The following RAVER2 variants were observed in gnomAD, a reference collection of about 807,000 sequenced individuals.
RAVER2 encodes the protein ribonucleoprotein, PTB binding 2.
A neutral mutation model predicts 78.1 loss-of-function variants in RAVER2; 46 were observed. That is an observed-to-expected ratio of 0.59 (90% CI 0.46 to 0.75). The LOEUF (loss-of-function observed/expected upper bound fraction) is 0.75, where lower values mean the gene tolerates loss of function less well. Among genes scored for constraint, RAVER2 ranks in the 30% least tolerant of loss-of-function variants. The pLI is 0.00. For missense variants in RAVER2, 793 were observed against 837.5 expected, an observed-to-expected ratio of 0.95 and a Z score of 0.66; for synonymous variants, 311 against 313.3, an observed-to-expected ratio of 0.99 and a Z score of 0.08.
intron 11 of RAVER2, among the ~76,000 whole-genome samples, chr1:64,823,419 T>G (rs1557607696): frequency 6.6e-6 from 1 of 152,180 alleles, no homozygotes; most frequent in African/African-American, 2.4e-5. Flanking sequence ...TGGGAAAACT[T>G]AAATCAGAAA....
chr1:64,763,520 G>A (rs1652082228), intron 1 of RAVER2, among the ~76,000 whole-genome samples: 2 of 152,178 alleles, frequency 1.3e-5, no homozygotes, highest in Admixed American at 6.5e-5. Context: ...GTGTTGGCTA[G>A]AAAGTAGAGC....
intron 4 of RAVER2, 134 bp from the exon 5 acceptor site, chr1:64,789,254 A>G: frequency 1.4e-6 from 1 of 726,548 alleles, no homozygotes; most frequent in Non-Finnish European, 2.0e-6. Context: ...AAATAGATAT[A>G]TAATATAAAT....
At chr1:64,827,360 G>T (rs1415276004) in intron 11 of RAVER2, among the ~76,000 whole-genome samples, 1 of 152,150 alleles carries the variant, frequency 6.6e-6, no homozygotes, top group African/African-American at 2.4e-5. Context: ...GATATAGTAG[G>T]ATTGCCCAGG....
chr1:64,802,438 A>T (rs1342393426), intron 5 of RAVER2, among the ~76,000 whole-genome samples: 1 of 151,574 alleles, frequency 6.6e-6, no homozygotes, highest in African/African-American at 2.4e-5. Context: ...TGGTATTTAG[A>T]CTCTTAGACG....
At chr1:64,753,132 C>T (rs749349967) in intron 1 of RAVER2, among the ~76,000 whole-genome samples, 2 of 152,226 alleles carry the variant, frequency 1.3e-5, no homozygotes, top group Non-Finnish European at 2.9e-5. Context: ...TGCCTCACTG[C>T]AGCCTCGACC....
chr1:64,804,805 A>G (rs375975608), exon 7 of RAVER2: 43 of 1,559,770 alleles, frequency 2.8e-5, no homozygotes, highest in African/African-American at 2.7e-5. Flanking sequence ...CACAACAACA[A>G]TTAATGAAGT....
chr1:64,775,585 G>A (rs1027126980), intron 2 of RAVER2, among the ~76,000 whole-genome samples: 2 of 152,176 alleles, frequency 1.3e-5, no homozygotes, highest in Non-Finnish European at 2.9e-5. Flanking sequence ...CCACACAGGT[G>A]TTACTGTGTG....
At chr1:64,789,357 CTAA>C in intron 4 of RAVER2, 28 bp from the exon 5 acceptor site, 1 of 1,555,570 alleles carries the variant, frequency 6.4e-7, no homozygotes, top group Non-Finnish European at 8.7e-7. Context: ...TTATGCTGTT[CTAA>C]TGTTTCTTAT....
At chr1:64,765,870 A>G (rs1291346596) in intron 1 of RAVER2, among the ~76,000 whole-genome samples, 2 of 152,222 alleles carry the variant, frequency 1.3e-5, no homozygotes, top group Admixed American at 1.3e-4. Context: ...ATCTATGAAA[A>G]CATTTCTTAA....
chr1:64,814,163 C>CAGT (rs2100888788), intron 10 of RAVER2, among the ~76,000 whole-genome samples: 1 of 152,210 alleles, frequency 6.6e-6, no homozygotes, highest in African/African-American at 2.4e-5. Context: ...GGCATCATCT[C>CAGT]GGCTCACTGC....
chr1:64,803,830 T>G (rs976944391), intron 6 of RAVER2, among the ~76,000 whole-genome samples: 1 of 152,162 alleles, frequency 6.6e-6, no homozygotes, highest in Non-Finnish European at 1.5e-5. Context: ...ACATTTAAAG[T>G]CTATGTTATT....
chr1:64,793,337 C>T (rs1291307649), intron 5 of RAVER2, among the ~76,000 whole-genome samples: 2 of 152,138 alleles, frequency 1.3e-5, no homozygotes, highest in Non-Finnish European at 2.9e-5. Context: ...ATGGAAGCTC[C>T]AACTGCTATT....
chr1:64,807,685 T>C (rs557469722), intron 9 of RAVER2, among the ~76,000 whole-genome samples: 1 of 152,324 alleles, frequency 6.6e-6, no homozygotes, highest in Non-Finnish European at 1.5e-5. Flanking sequence ...TAAGTTATGC[T>C]AGCTGGCATT....
intron 5 of RAVER2, among the ~76,000 whole-genome samples, chr1:64,796,455 G>C (rs1653098627): frequency 1.3e-5 from 2 of 152,022 alleles, no homozygotes; most frequent in South Asian, 4.1e-4. Flanking sequence ...TAATATGTAA[G>C]AGCTATTTCA....
intron 3 of RAVER2, among the ~76,000 whole-genome samples, chr1:64,778,949 A>G (rs1459074353): frequency 2.7e-5 from 4 of 147,800 alleles, no homozygotes; most frequent in African/African-American, 9.8e-5. Flanking sequence ...GTACATATCT[A>G]TATATGTATA....
At chr1:64,826,795 A>G (rs1654013489) in intron 11 of RAVER2, among the ~76,000 whole-genome samples, 1 of 152,176 alleles carries the variant, frequency 6.6e-6, no homozygotes, top group African/African-American at 2.4e-5. Context: ...TGACTTGGAC[A>G]AGCCTGGAAG....
intron 2 of RAVER2, among the ~76,000 whole-genome samples, chr1:64,776,814 T>C (rs1652476546): frequency 6.6e-6 from 1 of 152,248 alleles, no homozygotes; most frequent in South Asian, 2.1e-4. Context: ...TTTTACCAGA[T>C]ATGAATGTAC....
intron 8 of RAVER2, among the ~76,000 whole-genome samples, chr1:64,805,624 G>A (rs1278940736): frequency 1.3e-5 from 2 of 152,126 alleles, no homozygotes; most frequent in Non-Finnish European, 2.9e-5. Context: ...CAGAAGCATG[G>A]TGTTATACTA....
At chr1:64,746,310 T>C (rs1046832294) in intron 1 of RAVER2, among the ~76,000 whole-genome samples, 2 of 152,198 alleles carry the variant, frequency 1.3e-5, no homozygotes, top group African/African-American at 4.8e-5. Flanking sequence ...CCTATGCATA[T>C]ATATTTTTGT....
Sources: gnomAD v4.1 joint callset for allele counts (sites outside exome capture counted in the v4.1 genomes callset) on GRCh38, gnomAD v4.1.1 for gene constraint, MANE v1.5 for transcripts, NCBI Gene and HGNC (gene_info 2026-07-23, HGNC 2026-07-21) for gene names.